The following ALK variants were observed in gnomAD, a reference collection of about 807,000 sequenced individuals.
The protein encoded by ALK is ALK tyrosine kinase receptor.
Under a neutral mutation model 163.1 loss-of-function variants are expected in ALK, and 74 were observed. That is an observed-to-expected ratio of 0.45 (90% confidence interval 0.38 to 0.55). The LOEUF (loss-of-function observed/expected upper bound fraction) is 0.55, where lower values mean the gene tolerates loss of function less well. Among genes scored for constraint, ALK ranks in the 20% least tolerant of loss-of-function variants. The pLI, the probability that ALK is intolerant of heterozygous loss-of-function variation, is 0.00. For synonymous variants in ALK, 960 were observed against 843.2 expected (o/e 1.14, Z -2.40); for missense variants, 2,063 against 2,105.3 (o/e 0.98, Z 0.39).
At chr2:29,480,153 G>T (rs1671627622) in intron 4 of ALK, among the ~76,000 whole-genome samples, 1 of 152,182 alleles carries the variant, frequency 6.6e-6, no homozygotes, top group Non-Finnish European at 1.5e-5. Context: ...ACAGGAATAT[G>T]CATTGACTAT....
chr2:29,490,501 C>T (rs1671875081), intron 4 of ALK, among the ~76,000 whole-genome samples: 1 of 152,146 alleles, frequency 6.6e-6, no homozygotes, highest in African/African-American at 2.4e-5. Flanking sequence ...ATTATTAGGC[C>T]TCGTTCCAGC....
chr2:29,877,062 A>G (rs934863456), intron 1 of ALK, among the ~76,000 whole-genome samples: 2 of 152,172 alleles, frequency 1.3e-5, no homozygotes, highest in Non-Finnish European at 2.9e-5. Context: ...AATCCAACAT[A>G]TTTACATTAT....
intron 5 of ALK, among the ~76,000 whole-genome samples, chr2:29,354,588 T>TAGAG (rs6146695): frequency 1.3e-5 from 2 of 149,414 alleles, no homozygotes; most frequent in African/African-American, 2.5e-5. Context: ...GTCCCAGTTT[T>TAGAG]AGAGAGAGAG....
At chr2:29,460,125 A>G (rs1026601730) in intron 4 of ALK, among the ~76,000 whole-genome samples, 13 of 152,298 alleles carry the variant, frequency 8.5e-5, no homozygotes, top group Admixed American at 7.2e-4. Flanking sequence ...GAACGAACAC[A>G]GCAAGATGTG....
chr2:29,609,569 T>G (rs546140491), intron 3 of ALK, among the ~76,000 whole-genome samples: 3 of 152,320 alleles, frequency 2.0e-5, no homozygotes, highest in Admixed American at 6.5e-5. Context: ...GTTGCACCAA[T>G]GCAGTGATCC....
chr2:29,332,101 A>T (rs779881097), intron 5 of ALK, among the ~76,000 whole-genome samples: 1 of 151,738 alleles, frequency 6.6e-6, no homozygotes, highest in Non-Finnish European at 1.5e-5. Flanking sequence ...CTGGGCTAAC[A>T]TGGTGAAACC....
At chr2:29,764,948 A>G (rs1213198241) in intron 1 of ALK, among the ~76,000 whole-genome samples, 1 of 152,130 alleles carries the variant, frequency 6.6e-6, no homozygotes, top group Non-Finnish European at 1.5e-5. Context: ...TGCTGTTCTC[A>G]TGCTAGTGAG....
chr2:29,777,103 G>A (rs1232583516), intron 1 of ALK, among the ~76,000 whole-genome samples: 1 of 152,156 alleles, frequency 6.6e-6, no homozygotes, highest in African/African-American at 2.4e-5. Flanking sequence ...GCACCCAGTG[G>A]GAAGCTGAGT....
intron 4 of ALK, among the ~76,000 whole-genome samples, chr2:29,429,463 A>T (rs1470528585): frequency 6.6e-6 from 1 of 152,096 alleles, no homozygotes; most frequent in Non-Finnish European, 1.5e-5. Context: ...TTCAAAAATG[A>T]TATTACAAAT....
At chr2:29,584,098 C>A (rs919056581) in intron 3 of ALK, among the ~76,000 whole-genome samples, 5 of 151,936 alleles carry the variant, frequency 3.3e-5, no homozygotes, top group African/African-American at 1.2e-4. Flanking sequence ...TTCAAGAGAG[C>A]CCCCTGAAAT....
intron 12 of ALK, among the ~76,000 whole-genome samples, chr2:29,241,597 G>A (rs967082092): frequency 3.6e-4 from 55 of 151,654 alleles, no homozygotes; most frequent in African/African-American, 1.3e-3. Flanking sequence ...AGCAGAAAGA[G>A]GTGGTGGGAA....
At chr2:29,657,612 A>G (rs904380036) in intron 3 of ALK, among the ~76,000 whole-genome samples, 2 of 152,186 alleles carry the variant, frequency 1.3e-5, no homozygotes, top group Non-Finnish European at 2.9e-5. Context: ...TGCTGTCAAG[A>G]AAAACACAGT....
At chr2:29,449,146 T>C (rs746952839) in intron 4 of ALK, among the ~76,000 whole-genome samples, 5 of 152,198 alleles carry the variant, frequency 3.3e-5, no homozygotes, top group Non-Finnish European at 5.9e-5. Flanking sequence ...TGTTCATTCA[T>C]TAGGTGAACA....
chr2:29,273,991 A>G (rs1483409509), intron 11 of ALK, among the ~76,000 whole-genome samples: 1 of 152,172 alleles, frequency 6.6e-6, no homozygotes, highest in Non-Finnish European at 1.5e-5. Context: ...GTGGGAATAT[A>G]CAAAGGTCTT....
intron 4 of ALK, among the ~76,000 whole-genome samples, chr2:29,463,416 C>T (rs747754027): frequency 6.6e-6 from 1 of 152,144 alleles, no homozygotes; most frequent in Non-Finnish European, 1.5e-5. Context: ...TTATTCAGAG[C>T]TCCTCAAAAA....
At chr2:29,607,313 A>G (rs1366863089) in intron 3 of ALK, among the ~76,000 whole-genome samples, 2 of 152,180 alleles carry the variant, frequency 1.3e-5, no homozygotes, top group African/African-American at 4.8e-5. Flanking sequence ...ATGTCATCAT[A>G]CTTTCTCTCC....
Position 29,266,515 on chromosome 2 carries a change from C to A in ALK, c.2041+8584G>T, listed in dbSNP as rs1268581618. Among the ~76,000 whole-genome samples, 3 of 152,174 alleles carry A rather than the reference C, an allele frequency of 2.0e-5. No individual in the cohort carries two copies. The East Asian group carries it at 5.8e-4, about 29-fold the overall frequency. ...AATAATAATGTTAATTACAATGTCA[C>A]AACAGCATTTTATATCAGCATATTG... On this transcript the variant is annotated intron_variant, in intron 11 of 28. Coordinates refer to ENST00000389048, the MANE Select transcript of ALK (RefSeq NM_004304.5).
chr2:29,213,769 A>T (rs942293850), intron 24 of ALK, among the ~76,000 whole-genome samples: 5 of 152,148 alleles, frequency 3.3e-5, no homozygotes, highest in African/African-American at 1.2e-4. Flanking sequence ...GGATTACTGG[A>T]GCCCAGAAAT....
At chr2:29,450,806 G>C (rs1201366515) in intron 4 of ALK, among the ~76,000 whole-genome samples, 2 of 152,072 alleles carry the variant, frequency 1.3e-5, no homozygotes, top group African/African-American at 4.8e-5. Context: ...AGGAAAAGAG[G>C]TTGGGCATTG....
Sources: allele counts gnomAD v4.1 joint callset (sites outside exome capture counted in the v4.1 genomes callset), GRCh38; gene constraint gnomAD v4.1.1; transcripts MANE v1.5; gene names NCBI Gene and HGNC (gene_info 2026-07-23, HGNC 2026-07-21).